Variants in F9 observed in about 807,000 individuals in gnomAD.
The protein encoded by F9 is coagulation factor IX.
A neutral mutation model predicts 34.1 loss-of-function variants in F9; 2 were observed. The observed-to-expected ratio is 0.06, with a 90% CI of 0.02 to 0.18. F9 has a LOEUF of 0.18. Among genes scored for constraint, F9 ranks in the 10% least tolerant of loss-of-function variants. The probability of loss-of-function intolerance (pLI) is 1.00; values close to 1 mark genes in which losing one functional copy is unlikely to be tolerated. For synonymous variants in F9, 137 were observed against 118.8 expected (o/e 1.15, Z -1.00); for missense variants, 216 against 345.1 (o/e 0.63, Z 2.96).
At position 139,560,641 on chromosome X, in the gene F9, A is replaced by G. The variant is rs1056097094; in HGVS notation, c.724-100A>G. The G allele has an allele frequency of 6.8e-6, 4 of 585,332 alleles. No individual in the cohort carries two copies. In the African/African-American group the frequency reaches 9.0e-5, roughly 13 times the overall value. 48.2% of individuals were successfully genotyped at this position (585,332 alleles called of 1,213,427 possible). ...AAACATTCCATTTCTGCCAGCACCT[A>G]GAAGCCAATATTTTGCCTATTCCTG... On this transcript the variant is annotated intron_variant, in intron 6 of 7. Transcript: ENST00000218099.
intron 1 of F9, among the ~76,000 whole-genome samples, chrX:139,536,297 A>G (rs946606694): frequency 9.2e-6 from 1 of 108,144 alleles, no homozygotes; most frequent in African/African-American, 3.4e-5. Context: ...ACATAGAGAG[A>G]GAGAGAGAGG....
chrX:139,539,116 T>TA (rs926697100), intron 3 of F9, among the ~76,000 whole-genome samples: 1 of 111,819 alleles, frequency 8.9e-6, no homozygotes, highest in East Asian at 2.8e-4. Context: ...ACTCATCACA[T>TA]AAAGAGCCTG....
intron 4 of F9, among the ~76,000 whole-genome samples, chrX:139,543,623 G>T (rs1052852170): frequency 8.9e-5 from 10 of 112,082 alleles, no homozygotes; most frequent in African/African-American, 3.2e-4. Context: ...TCCAAGCTTT[G>T]GTTGTCACAC....
chrX:139,550,911 G>T, intron 5 of F9, 151 bp from the exon 6 acceptor site: 1 of 472,084 alleles, frequency 2.1e-6, no homozygotes. Flanking sequence ...CTTTTAGCTT[G>T]AGACTCTATT....
intron 4 of F9, among the ~76,000 whole-genome samples, chrX:139,543,289 C>A (rs758101945): frequency 1.8e-5 from 2 of 111,025 alleles, no homozygotes; most frequent in Non-Finnish European, 3.8e-5. Context: ...CTATTGGGTC[C>A]CTTTGGTTAG....
intron 6 of F9, among the ~76,000 whole-genome samples, chrX:139,557,582 T>C (rs1018451959): frequency 8.9e-6 from 1 of 112,110 alleles, no homozygotes; most frequent in African/African-American, 3.2e-5. Flanking sequence ...CCTACTGAGC[T>C]GAGAGATGTC....
Position 139,541,166 on chromosome X carries a change from T to A in F9, c.368T>A (p.Phe123Tyr). 8.4e-7 allele frequency: 1 copy of A among 1,190,291 alleles called. No homozygotes were observed. Among genetic ancestry groups the A allele is most frequent in the Non-Finnish European group, 1.1e-6 (1 of 878,867 alleles). Reference protein sequence around the residue: ...NSYECWCPFGFEGKNCELDVT... With the variant: ...NSYECWCPFGYEGKNCELDVT... The stretch of plus-strand genomic sequence containing the variant: ...TATGAATGTTGGTGTCCCTTTGGAT[T>A]TGAAGGAAAGAACTGTGAATTAGGT... The change falls in exon 4 of 8, where the codon TTT becomes TAT. Residue 123 changes from phenylalanine to tyrosine, a missense_variant. Coordinates refer to ENST00000218099, the MANE Select transcript of F9 (RefSeq NM_000133.4).
chrX:139,537,589 C>T (rs753147844), intron 3 of F9, among the ~76,000 whole-genome samples: 2 of 111,324 alleles, frequency 1.8e-5, no homozygotes, highest in African/African-American at 3.3e-5. Context: ...AAGTTTAATC[C>T]TCCCTAGGGC....
intron 1 of F9, among the ~76,000 whole-genome samples, chrX:139,535,473 A>G (rs1927437396): frequency 8.9e-6 from 1 of 112,359 alleles, no homozygotes; most frequent in African/African-American, 3.2e-5. Context: ...AGAACACTCC[A>G]TAAAGTGAAC....
At chrX:139,533,801 C>A (rs970894166) in intron 1 of F9, among the ~76,000 whole-genome samples, 11 of 110,770 alleles carry the variant, frequency 9.9e-5, no homozygotes, top group Non-Finnish European at 2.1e-4. Context: ...GCCCTACATG[C>A]CTTGTTTGGT....
intron 1 of F9, among the ~76,000 whole-genome samples, chrX:139,533,677 T>C (rs1298738751): frequency 8.9e-6 from 1 of 111,904 alleles, no homozygotes; most frequent in Non-Finnish European, 1.9e-5. Flanking sequence ...AGTGGTTGTA[T>C]GCTCAGTAAA....
intron 4 of F9, among the ~76,000 whole-genome samples, chrX:139,543,536 T>C (rs749688695): frequency 1.8e-5 from 2 of 111,487 alleles, no homozygotes; most frequent in Non-Finnish European, 3.8e-5. Flanking sequence ...TTCTGAGGAG[T>C]AAAAAAAGGA....
At chrX:139,535,080 G>A (rs1466066066) in intron 1 of F9, among the ~76,000 whole-genome samples, 1 of 111,665 alleles carries the variant, frequency 9.0e-6, no homozygotes, top group African/African-American at 3.3e-5. Context: ...GCCTGGCATG[G>A]TGGCTCACAC....
At chrX:139,555,425 C>A (rs1394179848) in intron 6 of F9, among the ~76,000 whole-genome samples, 5 of 112,930 alleles carry the variant, frequency 4.4e-5, no homozygotes, top group African/African-American at 1.6e-4. Context: ...CCAACGCAGC[C>A]GCGCCTTGTT....
At chrX:139,532,525 T>C (rs1346814335) in intron 1 of F9, among the ~76,000 whole-genome samples, 1 of 111,598 alleles carries the variant, frequency 9.0e-6, no homozygotes, top group Non-Finnish European at 1.9e-5. Flanking sequence ...TGCCAGGTAC[T>C]GTGTCAGGGT....
At chrX:139,535,768 T>C (rs779095221) in intron 1 of F9, among the ~76,000 whole-genome samples, 1 of 111,726 alleles carries the variant, frequency 9.0e-6, no homozygotes, top group African/African-American at 3.3e-5. Context: ...CATGTGTGTG[T>C]ATACAGCCAT....
At chrX:139,541,891 G>C (rs1927610091) in intron 4 of F9, among the ~76,000 whole-genome samples, 1 of 111,802 alleles carries the variant, frequency 8.9e-6, no homozygotes, top group Non-Finnish European at 1.9e-5. Flanking sequence ...AATTGGAGCA[G>C]TAAACCCCAG....
At chrX:139,536,395 G>C (rs1479152215) in intron 1 of F9, among the ~76,000 whole-genome samples, 1 of 109,473 alleles carries the variant, frequency 9.1e-6, no homozygotes, top group African/African-American at 3.3e-5. Context: ...CTTCAGACTA[G>C]GTAGATGTAG....
chrX:139,554,980 G>C (rs898245161), intron 6 of F9, among the ~76,000 whole-genome samples: 1 of 111,851 alleles, frequency 8.9e-6, no homozygotes, highest in Non-Finnish European at 1.9e-5. Flanking sequence ...AAAAGGTGTA[G>C]GTGAGCTGTT....
Sources: gnomAD v4.1 joint callset for allele counts (sites outside exome capture counted in the v4.1 genomes callset) on GRCh38, gnomAD v4.1.1 for gene constraint, MANE v1.5 for transcripts, NCBI Gene and HGNC (gene_info 2026-07-23, HGNC 2026-07-21) for gene names.